The following SMAD6 variants were observed in gnomAD, a reference collection of about 807,000 sequenced individuals.
SMAD6 encodes MAD homolog 6.
SMAD6 carries 103 observed loss-of-function variants against 39.4 expected under a neutral mutation model. That is an observed-to-expected ratio of 2.62 (90% CI 2.23 to 3.08). SMAD6 has a LOEUF of 3.08. SMAD6 is among the 30% of genes most tolerant of loss of function. The pLI is 0.00. For missense variants in SMAD6, 1,104 were observed against 742.9 expected (o/e 1.49, Z -5.65); for synonymous variants, 445 against 353.3 (o/e 1.26, Z -2.91).
chr15:66,714,299 G>A (rs938165290), intron 2 of SMAD6, among the ~76,000 whole-genome samples: 1 of 152,122 alleles, frequency 6.6e-6, no homozygotes, highest in African/African-American at 2.4e-5. Context: ...AAGAGGAAGT[G>A]ACACTTGCCG....
intron 1 of SMAD6, chr15:66,704,634 T>A (rs1893069135): frequency 6.6e-6 from 1 of 152,300 alleles, no homozygotes; most frequent in African/African-American, 2.4e-5. Flanking sequence ...GTAACCCCTC[T>A]CTGGAGTAAA....
chr15:66,713,864 G>C (rs1351777402), intron 2 of SMAD6, among the ~76,000 whole-genome samples: 1 of 152,198 alleles, frequency 6.6e-6, no homozygotes, highest in Non-Finnish European at 1.5e-5. Flanking sequence ...AGTTCTCTCG[G>C]AAACTGGAGA....
At chr15:66,766,608 C>A (rs1894293006) in intron 3 of SMAD6, among the ~76,000 whole-genome samples, 1 of 152,134 alleles carries the variant, frequency 6.6e-6, no homozygotes, top group African/African-American at 2.4e-5. Flanking sequence ...AACAGGGTCC[C>A]TATTAGTGAA....
At chr15:66,716,921 G>A (rs1270994656) in intron 3 of SMAD6, 5 of 1,199,162 alleles carry the variant, frequency 4.2e-6, no homozygotes, top group Non-Finnish European at 5.5e-6. Context: ...AAGATTGGGG[G>A]AATTGGAGCC....
chr15:66,763,523 G>A (rs1458195941), intron 3 of SMAD6, among the ~76,000 whole-genome samples: 2 of 152,210 alleles, frequency 1.3e-5, no homozygotes, highest in African/African-American at 2.4e-5. Flanking sequence ...CCACCTCTCT[G>A]GGGCCTTGCA....
intron 3 of SMAD6, among the ~76,000 whole-genome samples, chr15:66,719,671 T>A (rs796843948): frequency 2.0e-5 from 3 of 152,296 alleles, no homozygotes; most frequent in African/African-American, 7.2e-5. Flanking sequence ...CCCTGTCCTG[T>A]TGTTGAGGCC....
At position 66,703,826 on chromosome 15, in the gene SMAD6, A is replaced by G. The variant is rs756623647; in HGVS notation, c.568A>G (p.Thr190Ala). The change falls in exon 1 of 4, where the codon ACG (threonine) becomes GCG (alanine). Residue 190 changes from threonine (T) to alanine (A), a missense_variant. Physicochemically the swap from Thr to Ala is moderately conservative, Grantham distance 58. Coordinates refer to ENST00000288840, the MANE Select transcript of SMAD6 (RefSeq NM_005585.5). ...LKRLKERSLD[T>A]LLEAVESRGG... is the part of the protein sequence containing the mutation. ...GCGGCTCAAGGAGCGCTCGCTGGAC[A>G]CGCTGCTGGAGGCGGTGGAGTCCCG... 4.2e-6 allele frequency: 6 copies of G among 1,416,668 alleles called. No homozygotes were observed. The highest frequency in any genetic ancestry group is 2.8e-5 in the South Asian group (2 of 70,336). 87.8% of individuals were successfully genotyped at this position (1,416,668 alleles called of 1,614,324 possible). A position where few individuals can be genotyped will look rare whatever the true frequency, so the allele number is the denominator to read the frequency against.
chr15:66,775,773 G>A (rs566429822), intron 3 of SMAD6, among the ~76,000 whole-genome samples: 2 of 152,350 alleles, frequency 1.3e-5, no homozygotes, highest in Non-Finnish European at 2.9e-5. Context: ...CAATTAAAGA[G>A]CTGGTTCCTA....
intron 3 of SMAD6, among the ~76,000 whole-genome samples, chr15:66,764,955 G>T (rs1200900796): frequency 6.6e-6 from 1 of 152,076 alleles, no homozygotes; most frequent in Non-Finnish European, 1.5e-5. Context: ...ACCGCCATAG[G>T]GCTCCATTTC....
intron 3 of SMAD6, among the ~76,000 whole-genome samples, chr15:66,739,822 T>A (rs529179762): frequency 6.6e-6 from 1 of 152,286 alleles, no homozygotes; most frequent in African/African-American, 2.4e-5. Context: ...TTAGTTTTTT[T>A]AAGAGATGGG....
chr15:66,751,107 G>A (rs887296333), intron 3 of SMAD6, among the ~76,000 whole-genome samples: 1 of 152,208 alleles, frequency 6.6e-6, no homozygotes, highest in Admixed American at 6.5e-5. Flanking sequence ...AACAAATACT[G>A]AGAACGCCCC....
At chr15:66,763,386 A>C (rs1894235862) in intron 3 of SMAD6, among the ~76,000 whole-genome samples, 1 of 152,150 alleles carries the variant, frequency 6.6e-6, no homozygotes, top group African/African-American at 2.4e-5. Context: ...GTTGCTCCTG[A>C]CTTGGTGCCC....
chr15:66,718,707 C>G (rs963761813), intron 3 of SMAD6, among the ~76,000 whole-genome samples: 12 of 152,142 alleles, frequency 7.9e-5, no homozygotes, highest in African/African-American at 2.9e-4. Context: ...CTGTAGGGAT[C>G]TGAGGTCCTG....
intron 2 of SMAD6, among the ~76,000 whole-genome samples, chr15:66,715,458 C>G (rs1443877890): frequency 6.6e-6 from 1 of 152,152 alleles, no homozygotes; most frequent in Non-Finnish European, 1.5e-5. Context: ...TGTGCTGGGC[C>G]GGCTGGGGCC....
intron 2 of SMAD6, among the ~76,000 whole-genome samples, chr15:66,712,688 CAAA>C (rs775687604): frequency 6.1e-5 from 3 of 49,368 alleles, no homozygotes; most frequent in Admixed American, 4.1e-4. Context: ...AATTCTGTCT[CAAA>C]AAAAAAAAAA....
Position 66,703,718 on chromosome 15 carries a change from G to T in SMAD6, c.460G>T (p.Gly154Cys). 7.4e-7 allele frequency: 1 copy of T among 1,347,048 alleles called. No homozygotes were observed. Among genetic ancestry groups the T allele is most frequent in the South Asian group, 1.8e-5 (1 of 55,846 alleles). The allele number at this position is 1,347,048 out of a possible 1,614,324, so 83.4% of individuals were successfully genotyped here. The change falls in exon 1 of 4, where the codon GGC becomes TGC. Residue 154 changes from glycine to cysteine, a missense_variant. Gly to Cys is a radical substitution (Grantham distance 159). Coordinates refer to ENST00000288840, the MANE Select transcript of SMAD6 (RefSeq NM_005585.5). ...PLAGAALEPA[G>C]GGRSREARSR... ...GGCCGGGGCGGCCCTGGAGCCGGCG[G>T]GCGGCGGGCGGAGTCGCGAAGCGCG...
At chr15:66,719,717 C>T (rs541431037) in intron 3 of SMAD6, among the ~76,000 whole-genome samples, 1 of 152,254 alleles carries the variant, frequency 6.6e-6, no homozygotes, top group Non-Finnish European at 1.5e-5. Context: ...AGGCTTAGTC[C>T]CAGGCCCAGG....
chr15:66,733,604 A>C (rs956465947), intron 3 of SMAD6, among the ~76,000 whole-genome samples: 1 of 152,220 alleles, frequency 6.6e-6, no homozygotes, highest in African/African-American at 2.4e-5. Flanking sequence ...AGTGTATAGA[A>C]ATATAATTGA....
chr15:66,748,294 G>T (rs549359030), intron 3 of SMAD6, among the ~76,000 whole-genome samples: 12 of 151,930 alleles, frequency 7.9e-5, no homozygotes, highest in Non-Finnish European at 1.2e-4. Flanking sequence ...AGAAGAGTTT[G>T]TGTGGAGGAG....
Sources: gnomAD v4.1 joint callset for allele counts (sites outside exome capture counted in the v4.1 genomes callset) on GRCh38, gnomAD v4.1.1 for gene constraint, MANE v1.5 for transcripts, NCBI Gene and HGNC (gene_info 2026-07-23, HGNC 2026-07-21) for gene names.